GUCY1A2: variants seen among roughly 807,000 people sequenced by gnomAD.
The protein encoded by GUCY1A2 is guanylate cyclase soluble subunit alpha-2.
In GUCY1A2, 27 loss-of-function variants were observed where a neutral mutation model predicts 63.5. That is an observed-to-expected ratio of 0.43 (90% CI 0.31 to 0.59). The LOEUF is 0.59. Among genes scored for constraint, GUCY1A2 ranks in the 20% least tolerant of loss-of-function variants. The pLI is 0.11. For missense variants in GUCY1A2, 768 were observed against 913.3 expected, an observed-to-expected ratio of 0.84 and a Z score of 2.05; for synonymous variants, 364 against 343.5, an observed-to-expected ratio of 1.06 and a Z score of -0.66.
At chr11:106,949,208 A>G (rs2120014495) in intron 3 of GUCY1A2, among the ~76,000 whole-genome samples, 1 of 146,356 alleles carries the variant, frequency 6.8e-6, no homozygotes, top group Middle Eastern at 3.6e-3. Flanking sequence ...AGAATTATAC[A>G]TCTCATCATA....
intron 3 of GUCY1A2, among the ~76,000 whole-genome samples, chr11:106,951,778 TG>T (rs1354109259): frequency 2.6e-5 from 4 of 152,228 alleles, no homozygotes; most frequent in African/African-American, 9.7e-5. Flanking sequence ...TTGTCGCAAT[TG>T]CTTTTGGTGT....
chr11:106,780,670 T>C (rs953815485), intron 5 of GUCY1A2, among the ~76,000 whole-genome samples: 3 of 152,208 alleles, frequency 2.0e-5, no homozygotes, highest in Non-Finnish European at 2.9e-5. Context: ...GCTTAATGTA[T>C]AGAGAATGGG....
At chr11:106,979,942 T>C (rs185750654) in intron 2 of GUCY1A2, among the ~76,000 whole-genome samples, 48 of 152,156 alleles carry the variant, frequency 3.2e-4, no homozygotes, top group African/African-American at 8.7e-4. Context: ...CCTCCCCTCC[T>C]AGAAAAGGAG....
intron 5 of GUCY1A2, among the ~76,000 whole-genome samples, chr11:106,787,600 A>AGGGGGGAGGAGGG (rs1565289921): frequency 1.4e-4 from 2 of 14,774 alleles, no homozygotes; most frequent in Non-Finnish European, 1.5e-4. Flanking sequence ...AAGGGAAGGG[A>AGGGGGGAGGAGGG]AAAAGAGAAA....
chr11:106,709,677 GTTATATA>G (rs1275189602), intron 6 of GUCY1A2, among the ~76,000 whole-genome samples: 1 of 91,070 alleles, frequency 1.1e-5, no homozygotes, highest in African/African-American at 5.8e-5. Flanking sequence ...AGAATATATA[GTTATATA>G]TTATATACAC....
chr11:106,729,857 T>C (rs1159393830), intron 6 of GUCY1A2, among the ~76,000 whole-genome samples: 1 of 151,716 alleles, frequency 6.6e-6, no homozygotes, highest in East Asian at 1.9e-4. Flanking sequence ...TTATTTTTTA[T>C]AAACCTGTTT....
At chr11:107,007,092 G>A (rs11212003) in intron 1 of GUCY1A2, among the ~76,000 whole-genome samples, 11,801 of 151,892 alleles carry the variant, frequency 0.078, 567 homozygotes, top group East Asian at 0.13. Flanking sequence ...CAAGAAAACC[G>A]TACAGTATAC....
In GUCY1A2 at chr11:106,746,474, C is replaced by G. The variant is rs756394861; in HGVS notation, c.1836+29965G>C. The G allele has an allele frequency of 1.3e-5, 9 of 719,374 alleles. No individual in the cohort carries two copies. In the South Asian group the frequency reaches 1.3e-4, roughly 11 times the overall value. 44.6% of individuals were successfully genotyped at this position (719,374 alleles called of 1,614,324 possible). On this transcript the variant is annotated intron_variant, in intron 6 of 7. Transcript: ENST00000526355. ...TTTGAATAAATGAATAAGGATTATA[C>G]TCAAGGAAGTAAGTAATAACCAATA...
At chr11:106,755,652 C>T (rs558662172) in intron 6 of GUCY1A2, among the ~76,000 whole-genome samples, 19 of 152,182 alleles carry the variant, frequency 1.2e-4, no homozygotes, top group Middle Eastern at 3.4e-3. Flanking sequence ...TGTAGTTGTG[C>T]GGTTTTGAGT....
chr11:106,930,037 C>G (rs1591331727), intron 4 of GUCY1A2, among the ~76,000 whole-genome samples: 1 of 151,612 alleles, frequency 6.6e-6, no homozygotes, highest in South Asian at 2.1e-4. Flanking sequence ...AATAATGATA[C>G]TAAAATTTAA....
intron 3 of GUCY1A2, among the ~76,000 whole-genome samples, chr11:106,967,683 A>G (rs112334798): frequency 2.0e-5 from 3 of 151,132 alleles, no homozygotes; most frequent in African/African-American, 7.3e-5. Flanking sequence ...AGAGATACAG[A>G]AAAGGCAAAA....
At chr11:106,897,591 C>G (rs1479953523) in intron 4 of GUCY1A2, among the ~76,000 whole-genome samples, 2 of 150,478 alleles carry the variant, frequency 1.3e-5, no homozygotes, top group East Asian at 3.9e-4. Flanking sequence ...GGAGCAAAAG[C>G]AATGCAATGA....
In GUCY1A2 at chr11:106,682,461, A is replaced by G. The variant is rs1862447977; in HGVS notation, c.*5088T>C. 4.8e-6 allele frequency: 1 copy of G among 209,918 alleles called. No individual in the cohort carries two copies. Among genetic ancestry groups the G allele is most frequent in the African/African-American group, 2.3e-5 (1 of 44,068 alleles). The allele number at this position is 209,918 out of a possible 1,614,324, so 13.0% of individuals were successfully genotyped here. A position where few individuals can be genotyped will look rare whatever the true frequency, so the allele number is the denominator to read the frequency against. ...GTAAAGACTAGTCTTCTGTATTCCT[A>G]AAACTCCCTACGGAATTCTTATGAA... On this transcript the variant is annotated 3_prime_UTR_variant, in exon 8 of 8. Coordinates refer to ENST00000526355, the MANE Select transcript of GUCY1A2 (RefSeq NM_000855.3).
At chr11:106,720,512 CT>C (rs2135362763) in intron 6 of GUCY1A2, among the ~76,000 whole-genome samples, 1 of 152,184 alleles carries the variant, frequency 6.6e-6, no homozygotes, top group Non-Finnish European at 1.5e-5. Context: ...TTTGATAATC[CT>C]CTTTCTTAAC....
rs1861297573 is a variant in GUCY1A2, at chr11:106,978,851, T to A, written c.366-111A>T. ...AGTCTATGCTTTCATCATAGTCACA[T>A]TTTAAAATAAGTGAAGCTTTGAGAC... On this transcript the variant is annotated intron_variant, in intron 2 of 7. Transcript: ENST00000526355. 1.1e-5 allele frequency: 7 copies of A among 642,338 alleles called. No homozygotes were observed. The South Asian group carries it at 1.6e-4, about 15-fold the overall frequency. 39.8% of individuals were successfully genotyped at this position (642,338 alleles called of 1,614,324 possible).
chr11:106,865,029 C>T (rs1458692090), intron 4 of GUCY1A2, among the ~76,000 whole-genome samples: 2 of 151,676 alleles, frequency 1.3e-5, no homozygotes, highest in Non-Finnish European at 3.0e-5. Flanking sequence ...AGAATTTGCC[C>T]GTGAATCTGT....
intron 4 of GUCY1A2, among the ~76,000 whole-genome samples, chr11:106,869,089 C>A (rs1318414160): frequency 6.6e-6 from 1 of 152,178 alleles, no homozygotes; most frequent in Admixed American, 6.6e-5. Context: ...CTTCTTTACA[C>A]CTTATATGAA....
intron 4 of GUCY1A2, among the ~76,000 whole-genome samples, chr11:106,871,969 A>G (rs928304099): frequency 6.6e-6 from 1 of 152,202 alleles, no homozygotes; most frequent in African/African-American, 2.4e-5. Context: ...CGTGTGTTCT[A>G]TAGTGCTCTG....
chr11:106,714,511 C>T (rs1863182764), intron 6 of GUCY1A2, among the ~76,000 whole-genome samples: 1 of 152,078 alleles, frequency 6.6e-6, no homozygotes, highest in African/African-American at 2.4e-5. Context: ...GAGTATCTAG[C>T]AGTAAGACAA....
Sources: gnomAD v4.1 joint callset for allele counts (sites outside exome capture counted in the v4.1 genomes callset) on GRCh38, gnomAD v4.1.1 for gene constraint, MANE v1.5 for transcripts, NCBI Gene and HGNC (gene_info 2026-07-23, HGNC 2026-07-21) for gene names.